ADD3: variants seen among roughly 807,000 people sequenced by gnomAD.
The protein encoded by ADD3 is gamma-adducin.
In ADD3, 25 loss-of-function variants were observed where a neutral mutation model predicts 80.2. The observed-to-expected ratio is 0.31, with a 90% CI of 0.23 to 0.44. The LOEUF (loss-of-function observed/expected upper bound fraction) is 0.44, where lower values mean the gene tolerates loss of function less well. Among genes scored for constraint, ADD3 ranks in the 20% least tolerant of loss-of-function variants. ADD3 has a pLI of 1.00. For synonymous variants in ADD3, 284 were observed against 289.6 expected (o/e 0.98, Z 0.20); for missense variants, 829 against 847.5 (o/e 0.98, Z 0.27).
intron 12 of ADD3, 71 bp from the exon 13 acceptor site, chr10:110,130,292 A>AGATG (rs758568393): frequency 8.8e-6 from 13 of 1,482,076 alleles, no homozygotes; most frequent in Non-Finnish European, 1.2e-5. Context: ...ATGTGTATAT[A>AGATG]GATGGATGGA....
chr10:110,119,790 A>T (rs961903809), intron 8 of ADD3: 5 of 422,030 alleles, frequency 1.2e-5, no homozygotes, highest in Non-Finnish European at 2.1e-5. Flanking sequence ...CCTCATAAAC[A>T]TCATTTTCCC....
intron 12 of ADD3, among the ~76,000 whole-genome samples, chr10:110,129,150 CTTTT>C (rs746835809): frequency 1.4e-5 from 2 of 138,298 alleles, no homozygotes; most frequent in Admixed American, 7.2e-5. Context: ...TTCTTTCTTT[CTTTT>C]TTTTTTTTTT....
intron 1 of ADD3, among the ~76,000 whole-genome samples, chr10:110,039,430 G>A (rs1856034483): frequency 6.6e-6 from 1 of 152,176 alleles, no homozygotes; most frequent in Non-Finnish European, 1.5e-5. Flanking sequence ...ATGATGCAGT[G>A]GCAGAGAGTC....
At chr10:110,062,138 G>T (rs1040314914) in intron 1 of ADD3, among the ~76,000 whole-genome samples, 1 of 143,020 alleles carries the variant, frequency 7.0e-6, no homozygotes, top group Non-Finnish European at 1.5e-5. Flanking sequence ...CGAGGCAGGC[G>T]TATCACCTGA....
intron 1 of ADD3, among the ~76,000 whole-genome samples, chr10:110,069,964 AC>A (rs1844464890): frequency 6.6e-6 from 1 of 152,196 alleles, no homozygotes; most frequent in Non-Finnish European, 1.5e-5. Flanking sequence ...GTAAACTGTT[AC>A]CCAGTGGCAA....
chr10:110,071,139 T>C (rs1844654928), intron 1 of ADD3, among the ~76,000 whole-genome samples: 1 of 152,010 alleles, frequency 6.6e-6, no homozygotes, highest in Admixed American at 6.6e-5. Context: ...TGGCTTTTAC[T>C]GGGTAAAGTA....
chr10:110,115,463 C>T (rs905458998), intron 3 of ADD3, among the ~76,000 whole-genome samples: 3 of 151,864 alleles, frequency 2.0e-5, no homozygotes, highest in African/African-American at 4.8e-5. Context: ...GGGAGTGAGT[C>T]GTCTACACAA....
At chr10:110,130,265 ACAT>A (rs1253007571) in intron 12 of ADD3, 95 bp from the exon 13 acceptor site, 35 of 1,233,858 alleles carry the variant, frequency 2.8e-5, no homozygotes, top group Non-Finnish European at 4.0e-5. Context: ...GGCTTCACAA[ACAT>A]CATATTTGCA....
rs1488597629 is a variant in ADD3, at chr10:110,079,447, AGAGAGAGAGAGAGAGTGTGTGT to A, written c.-29-21176_-29-21155del. The A allele has an allele frequency of 9.7e-3, 1,306 of 135,080 alleles. 20 individuals are homozygous for A. Among genetic ancestry groups the A allele is most frequent in the African/African-American group, 0.038 (1,265 of 32,970 alleles). The allele number at this position is 135,080 out of a possible 1,614,324, so 8.4% of individuals were successfully genotyped here. ...AATGATGAGAGAGAGAGAGAGAGAG[AGAGAGAGAGAGAGAGTGTGTGT>A]GTGTGTGTGTGTGTGTGTGTGTGTG... On this transcript the variant is annotated intron_variant, in intron 1 of 14. Coordinates refer to ENST00000356080, the MANE Select transcript of ADD3 (RefSeq NM_016824.5).
At chr10:110,079,404 G>A (rs1335690070) in intron 1 of ADD3, 1 of 149,072 alleles carries the variant, frequency 6.7e-6, no homozygotes, top group East Asian at 2.0e-4. Context: ...CCCCAGAAGG[G>A]AATTTATTTT....
At chr10:109,998,661 A>G (rs61881586) in intron 1 of ADD3, among the ~76,000 whole-genome samples, 41,433 of 151,974 alleles carry the variant, frequency 0.27, 8,414 homozygotes, top group African/African-American at 0.56. Context: ...TCCTTCAGTC[A>G]CAGTGTTTGA....
intron 1 of ADD3, among the ~76,000 whole-genome samples, chr10:110,085,262 A>G (rs1846582760): frequency 6.6e-6 from 1 of 152,234 alleles, no homozygotes; most frequent in African/African-American, 2.4e-5. Flanking sequence ...ACACAGTTCA[A>G]AATGAAATAA....
intron 1 of ADD3, among the ~76,000 whole-genome samples, chr10:110,050,367 C>G (rs920684905): frequency 6.6e-6 from 1 of 152,078 alleles, no homozygotes; most frequent in African/African-American, 2.4e-5. Flanking sequence ...AGTCTGAGAT[C>G]TGATGATTTT....
intron 1 of ADD3, among the ~76,000 whole-genome samples, chr10:110,033,613 G>A (rs369864695): frequency 1.7e-4 from 26 of 152,210 alleles, no homozygotes; most frequent in African/African-American, 5.5e-4. Flanking sequence ...AGGGAGCAGT[G>A]TTCTTGAAGT....
intron 1 of ADD3, among the ~76,000 whole-genome samples, chr10:110,027,700 TA>T (rs746259777): frequency 3.9e-5 from 6 of 152,162 alleles, no homozygotes; most frequent in African/African-American, 7.2e-5. Flanking sequence ...ATTCCTCCAC[TA>T]GCAGTTTTTC....
In ADD3 at chr10:110,132,391, A is replaced by G; in HGVS notation, c.1819A>G (p.Lys607Glu). Residue 607 changes from lysine (K) to glutamate (E), a missense_variant, in exon 14 of 15, where the codon AAA becomes GAA. Lys to Glu is a moderately conservative substitution (Grantham distance 56). Transcript: ENST00000356080. Reference protein sequence around the residue: ...QTQSPQNVPEKLEENHELFSK... With the variant: ...QTQSPQNVPEELEENHELFSK... Reference sequence around the variant, plus strand: ...TCAGTCACCGCAAAATGTCCCTGAAAAATTAGAAGGTACTCAATGTAATTT... The same window carrying G: ...TCAGTCACCGCAAAATGTCCCTGAAGAATTAGAAGGTACTCAATGTAATTT... 6.2e-7 allele frequency: 1 copy of G among 1,609,030 alleles called. No homozygotes were observed. The highest frequency in any genetic ancestry group is 1.1e-5 in the South Asian group (1 of 90,930).
chr10:109,996,842 T>C (rs75528543), intron 1 of ADD3, among the ~76,000 whole-genome samples: 5,678 of 152,312 alleles, frequency 0.037, 162 homozygotes, highest in South Asian at 0.14. Flanking sequence ...TGTCAAGCCA[T>C]GGAGCTCTTC....
chr10:110,022,879 G>A (rs1408736185), intron 1 of ADD3, among the ~76,000 whole-genome samples: 4 of 152,146 alleles, frequency 2.6e-5, no homozygotes, highest in Non-Finnish European at 5.9e-5. Context: ...CATAATACTA[G>A]AATATGCAAA....
chr10:110,089,800 T>C (rs1248065964), intron 1 of ADD3, among the ~76,000 whole-genome samples: 1 of 152,040 alleles, frequency 6.6e-6, no homozygotes, highest in Non-Finnish European at 1.5e-5. Flanking sequence ...ACAATTCAAG[T>C]TAATGTTAGA....
Sources: allele counts gnomAD v4.1 joint callset (sites outside exome capture counted in the v4.1 genomes callset), GRCh38; gene constraint gnomAD v4.1.1; transcripts MANE v1.5; gene names NCBI Gene and HGNC (gene_info 2026-07-23, HGNC 2026-07-21).